ZNF439: variants seen among roughly 807,000 people sequenced by gnomAD.
ZNF439 encodes zinc finger protein 439.
A neutral mutation model predicts 47.3 loss-of-function variants in ZNF439; 40 were observed. The ratio of observed to expected loss-of-function variants is 0.85; its 90% CI spans 0.66 to 1.10. The LOEUF is 1.10. Ranked by LOEUF, ZNF439 falls within the 50% of genes least tolerant of loss-of-function variation. ZNF439 has a pLI of 0.00. For missense variants in ZNF439, 556 were observed against 601.1 expected, an observed-to-expected ratio of 0.93 and a Z score of 0.78; for synonymous variants, 171 against 198.8, an observed-to-expected ratio of 0.86 and a Z score of 1.18.
chr19:11,849,423 A>T, intron 1 of ZNF439: 2 of 507,648 alleles, frequency 3.9e-6, no homozygotes, highest in Non-Finnish European at 5.1e-6. Flanking sequence ...TAAAATACAG[A>T]AGTGTATTCA....
At chr19:11,850,411 G>C (rs963359342) in intron 1 of ZNF439, 1 of 152,068 alleles carries the variant, frequency 6.6e-6, no homozygotes, top group East Asian at 1.9e-4. Flanking sequence ...CATGTTTAAG[G>C]CTAGGCTTTT....
intron 1 of ZNF439, chr19:11,857,779 G>T (rs1976427276): frequency 6.6e-6 from 1 of 152,196 alleles, no homozygotes; most frequent in African/African-American, 2.4e-5. Flanking sequence ...TGTCTTTATG[G>T]AGAACTACTT....
At chr19:11,854,177 A>T (rs774750095) in intron 1 of ZNF439, among the ~76,000 whole-genome samples, 2 of 152,214 alleles carry the variant, frequency 1.3e-5, no homozygotes, top group Non-Finnish European at 2.9e-5. Context: ...TGTTAATTCT[A>T]TTATGAAGTA....
In ZNF439 at chr19:11,866,023, T is replaced by C. The variant is rs28366506; in HGVS notation, c.64-182T>C. ...AGAGTGAAATTCTGTCTCAAAAAAA[T>C]AAAAAAAAAAATTGCTTTATGGAAG... On this transcript the variant is annotated intron_variant, in intron 1 of 3. Coordinates refer to ENST00000682736, the MANE Select transcript of ZNF439 (RefSeq NM_001348719.2). 2.6e-4 allele frequency: 307 copies of C among 1,194,132 alleles called. 1 individual carries two copies. The South Asian group carries it at 5.2e-3, about 20-fold the overall frequency. 74.0% of individuals were successfully genotyped at this position (1,194,132 alleles called of 1,614,324 possible). A position where few individuals can be genotyped will look rare whatever the true frequency, so the allele number is the denominator to read the frequency against.
chr19:11,853,659 C>A (rs1009101355), intron 1 of ZNF439, among the ~76,000 whole-genome samples: 2 of 152,116 alleles, frequency 1.3e-5, no homozygotes, highest in Non-Finnish European at 2.9e-5. Flanking sequence ...TATCATATAG[C>A]CTTCAGTGGA....
At chr19:11,860,553 C>G (rs73920386) in intron 1 of ZNF439, among the ~76,000 whole-genome samples, 2,708 of 152,232 alleles carry the variant, frequency 0.018, 67 homozygotes, top group African/African-American at 0.063. Flanking sequence ...CTGTTCACGG[C>G]CGCCGCTTTG....
chr19:11,868,463 C>T lies in ZNF439; in HGVS notation c.1409C>T (p.Pro470Leu). The T allele has an allele frequency of 6.2e-7, 1 of 1,613,724 alleles. No individual in the cohort carries two copies. The change falls in exon 4 of 4, where the codon CCC becomes CTC. Residue 470 changes from proline (P) to leucine (L), a missense_variant. Physicochemically the swap from Pro to Leu is moderately conservative, Grantham distance 98. Coordinates refer to ENST00000682736, the MANE Select transcript of ZNF439 (RefSeq NM_001348719.2). ...CGTAGGATTCACACTGGAGAGAAAC[C>T]CTATGAATGTAAGAAATGTGGGAAA... is the stretch of plus-strand genomic sequence containing the variant. Reference protein sequence around the residue: ...IHRRIHTGEKPYECKKCGKAF... With the variant: ...IHRRIHTGEKLYECKKCGKAF...
At chr19:11,855,318 G>A (rs1976356565) in intron 1 of ZNF439, among the ~76,000 whole-genome samples, 1 of 152,192 alleles carries the variant, frequency 6.6e-6, no homozygotes, top group Admixed American at 6.5e-5. Flanking sequence ...GAGGGGGGTA[G>A]GAACTATGGA....
intron 1 of ZNF439, among the ~76,000 whole-genome samples, chr19:11,860,285 C>CA (rs1017057704): frequency 2.1e-4 from 32 of 151,330 alleles, no homozygotes; most frequent in African/African-American, 4.6e-4. Flanking sequence ...ACTAAAAATA[C>CA]AAAAAAAAAT....
At chr19:11,860,592 A>T (rs1801343614) in intron 1 of ZNF439, among the ~76,000 whole-genome samples, 1 of 152,158 alleles carries the variant, frequency 6.6e-6, no homozygotes, top group African/African-American at 2.4e-5. Context: ...TGAACAAAGG[A>T]GGACGAACGC....
chr19:11,868,280 A>T lies in ZNF439; in HGVS notation c.1226A>T (p.His409Leu). The T allele has an allele frequency of 6.2e-7, 1 of 1,614,136 alleles. No individual in the cohort carries two copies. Among genetic ancestry groups the T allele is most frequent in the Non-Finnish European group, 8.5e-7 (1 of 1,180,018 alleles). The stretch of plus-strand genomic sequence containing the variant: ...TCCTTTCGATATCATGAAAGGACTC[A>T]CACTGGAGAGAAACCCTATGAGTGT... ...SGSFRYHERT[H>L]TGEKPYECKQ... Residue 409 changes from histidine (H) to leucine (L), a missense_variant, in exon 4 of 4, where the codon CAC (histidine) becomes CTC (leucine). Coordinates refer to ENST00000682736, the MANE Select transcript of ZNF439 (RefSeq NM_001348719.2).
At position 11,866,743 on chromosome 19, in the gene ZNF439, A is replaced by G. The variant is rs1248248093; in HGVS notation, c.251+146A>G. On this transcript the variant is annotated intron_variant, in intron 3 of 3. Transcript: ENST00000682736. ...ATTTTATCTAAAAATATATATTTAA[A>G]TGTGATCAAGGCTGAGGGCTCACTC... 3 of 917,078 alleles carry G rather than the reference A, an allele frequency of 3.3e-6. No individual in the cohort carries two copies. In the East Asian group the frequency reaches 9.1e-5, roughly 28 times the overall value. The allele number at this position is 917,078 out of a possible 1,614,324, so 56.8% of individuals were successfully genotyped here. A position where few individuals can be genotyped will look rare whatever the true frequency, so the allele number is the denominator to read the frequency against.
At chr19:11,864,593 G>A (rs888935215) in intron 1 of ZNF439, among the ~76,000 whole-genome samples, 2 of 152,066 alleles carry the variant, frequency 1.3e-5, no homozygotes, top group Non-Finnish European at 2.9e-5. Flanking sequence ...CAACACGCCT[G>A]GCTGCTACCG....
intron 1 of ZNF439, among the ~76,000 whole-genome samples, chr19:11,854,185 G>A (rs1599312043): frequency 6.6e-6 from 1 of 152,198 alleles, no homozygotes; most frequent in South Asian, 2.1e-4. Context: ...CTATTATGAA[G>A]TAGCCACACT....
chr19:11,868,200 T>G lies in ZNF439; in HGVS notation c.1146T>G (p.Ser382Arg), dbSNP rs773791029. The G allele has an allele frequency of 6.2e-7, 1 of 1,614,040 alleles. No individual in the cohort carries two copies. Among genetic ancestry groups the G allele is most frequent in the Admixed American group, 1.7e-5 (1 of 60,002 alleles). Residue 382 changes from serine to arginine, a missense_variant, in exon 4 of 4, where the codon AGT becomes AGG. Ser to Arg is a moderately radical substitution (Grantham distance 110, BLOSUM62 -1). Transcript: ENST00000682736. ...TTCAAAGACATGAAAAAACTCACAGTGGAGAGAAACCGTATAAATGCAAGC... is the reference window on the plus strand; with the variant it reads ...TTCAAAGACATGAAAAAACTCACAGGGGAGAGAAACCGTATAAATGCAAGC... ...KSFQRHEKTH[S>R]GEKPYKCKQC...
At chr19:11,852,938 AT>A (rs1042629050) in intron 1 of ZNF439, among the ~76,000 whole-genome samples, 2 of 151,260 alleles carry the variant, frequency 1.3e-5, no homozygotes, top group African/African-American at 2.4e-5. Flanking sequence ...TTATTTATTT[AT>A]TTTTTTTGAG....
rs995165530 is a variant in ZNF439 at position 11,868,500 on chromosome 19, T to C, written c.1446T>C (p.Tyr482=). The C allele has an allele frequency of 1.9e-6, 3 of 1,612,934 alleles. No individual in the cohort carries two copies. In the Admixed American group the frequency reaches 5.0e-5, roughly 27 times the overall value. Reference sequence around the variant, plus strand: ...AGAAATGTGGGAAAGCCTTCAGATATGTCCAGAACTTTCGATTTCATGAAA... The same window carrying C: ...AGAAATGTGGGAAAGCCTTCAGATACGTCCAGAACTTTCGATTTCATGAAA... The part of the protein sequence containing the change: ...ECKKCGKAFR[Y]VQNFRFHERT... The change falls in exon 4 of 4, where the codon TAT becomes TAC. Residue 482 remains tyrosine, a synonymous_variant. Transcript: ENST00000682736.
rs1044014299 is a variant in ZNF439 at position 11,868,722 on chromosome 19, G to A, written c.*153G>A. 1.2e-6 allele frequency: 1 copy of A among 860,048 alleles called. No individual in the cohort carries two copies. Among genetic ancestry groups the A allele is most frequent in the Non-Finnish European group, 1.9e-6 (1 of 535,740 alleles). The allele number at this position is 860,048 out of a possible 1,614,324, so 53.3% of individuals were successfully genotyped here. A position where few individuals can be genotyped will look rare whatever the true frequency, so the allele number is the denominator to read the frequency against. On this transcript the variant is annotated 3_prime_UTR_variant, in exon 4 of 4. Coordinates refer to ENST00000682736, the MANE Select transcript of ZNF439 (RefSeq NM_001348719.2). ...GATATCTAAAAGGACTCACAGTGGAGAAAAACTCTATGAGTGTAAGCAATG... is the reference window on the plus strand; with the variant it reads ...GATATCTAAAAGGACTCACAGTGGAAAAAAACTCTATGAGTGTAAGCAATG...
intron 1 of ZNF439, among the ~76,000 whole-genome samples, chr19:11,862,745 G>GT (rs1009880944): frequency 0.029 from 4,298 of 146,742 alleles, 195 homozygotes; most frequent in African/African-American, 0.1. Flanking sequence ...GTTTTCTGTT[G>GT]TTTTTTTTTT....
Sources: gnomAD v4.1 joint callset for allele counts (sites outside exome capture counted in the v4.1 genomes callset) on GRCh38, gnomAD v4.1.1 for gene constraint, MANE v1.5 for transcripts, NCBI Gene and HGNC (gene_info 2026-07-23, HGNC 2026-07-21) for gene names.